The following CIITA variants were observed in gnomAD, a reference collection of about 807,000 sequenced individuals.
CIITA encodes MHC class II transactivator.
Under a neutral mutation model 115.1 loss-of-function variants are expected in CIITA, and 72 were observed. The ratio of observed to expected loss-of-function variants is 0.63; its 90% CI spans 0.52 to 0.76. The LOEUF (loss-of-function observed/expected upper bound fraction) is 0.76. CIITA is among the 30% of genes least tolerant of loss of function. CIITA has a pLI of 0.00. For missense variants in CIITA, 1,617 were observed against 1,463.8 expected (o/e 1.10, Z -1.71); for synonymous variants, 763 against 635.6 (o/e 1.20, Z -3.02).
chr16:10,941,687 T>G lies in CIITA; in HGVS notation n.813T>G. ...GGTCCAGGGCATGGGTTGCGGATCG[T>G]GTAGGGAAGAGGGGAACAGCAGTCG... On this transcript the variant is annotated non_coding_transcript_exon_variant, in exon 2 of 2. Transcript: ENST00000573379. The surrounding 1 kb of genome is among the most constrained non-coding windows in gnomAD (Gnocchi z 6.4). The G allele has an allele frequency of 6.3e-7, 1 of 1,581,888 alleles. No homozygotes were observed.
intron 5 of CIITA, 134 bp downstream of exon 5, chr16:10,899,136 C>A: frequency 3.8e-6 from 3 of 794,392 alleles, no homozygotes; most frequent in Non-Finnish European, 6.6e-6. Flanking sequence ...TAAAAGCCAA[C>A]AGGAGCCTTA....
intron 1 of CIITA, among the ~76,000 whole-genome samples, chr16:10,869,216 G>C (rs2035303991): frequency 1.3e-5 from 2 of 152,156 alleles, no homozygotes; most frequent in South Asian, 4.1e-4. Flanking sequence ...GGCCCACAAG[G>C]CCTTTCCTAC....
upstream of CIITA, among the ~76,000 whole-genome samples, chr16:10,874,155 T>C (rs1004947387): frequency 2.6e-5 from 4 of 152,036 alleles, no homozygotes; most frequent in Non-Finnish European, 5.9e-5. Context: ...GGATAATTTT[T>C]CTATTTTTAG....
chr16:10,880,456 G>C (rs1416796592), intron 1 of CIITA, among the ~76,000 whole-genome samples: 2 of 152,174 alleles, frequency 1.3e-5, no homozygotes, highest in African/African-American at 4.8e-5. Context: ...ACCTCTATCA[G>C]AAAAGGAGTA....
At chr16:10,895,229 T>A in intron 1 of CIITA, 53 bp from the exon 2 acceptor site, 2 of 1,608,548 alleles carry the variant, frequency 1.2e-6, no homozygotes, top group Non-Finnish European at 8.5e-7. Context: ...GTGTCAATTT[T>A]CTGCCTCTTT....
In CIITA at chr16:10,928,238, T is replaced by G. The variant is rs1567458149; in HGVS notation, c.*4383T>G. ...TATGTGAAGGTGCTTTGAAATCAAG[T>G]GCTCTGCAAACTGGAGAGAATTACT... On this transcript the variant is annotated 3_prime_UTR_variant, in exon 20 of 20. Transcript: ENST00000324288. 6.6e-6 allele frequency: 1 copy of G among 152,212 alleles called. No individual in the cohort carries two copies. The highest frequency in any genetic ancestry group is 1.5e-5 in the Non-Finnish European group (1 of 68,040). 9.4% of individuals were successfully genotyped at this position (152,212 alleles called of 1,614,324 possible).
chr16:10,870,778 G>T (rs1162121880), intron 1 of CIITA, among the ~76,000 whole-genome samples: 1 of 152,236 alleles, frequency 6.6e-6, no homozygotes, highest in African/African-American at 2.4e-5. Context: ...TGAGATGGTA[G>T]GTAGAAACCT....
In CIITA at chr16:10,908,150, G is replaced by A. The variant is rs2039309312; in HGVS notation, c.2657+1G>A. ...GACTCAGCTGTGTCACCCGTTTCAG[G>A]TGGGGTGAGGGGCTTGGGGAAGAGA... On this transcript the variant is annotated splice_donor_variant, in intron 11 of 19. Coordinates refer to ENST00000324288, the MANE Select transcript of CIITA (RefSeq NM_000246.4). LOFTEE classifies it high-confidence loss of function. 1 of 1,559,472 alleles carries A rather than the reference G, an allele frequency of 6.4e-7. No homozygotes were observed. The highest frequency in any genetic ancestry group is 8.7e-7 in the Non-Finnish European group (1 of 1,151,466).
At chr16:10,870,537 C>G (rs574408612) in intron 1 of CIITA, among the ~76,000 whole-genome samples, 1 of 152,160 alleles carries the variant, frequency 6.6e-6, no homozygotes, top group Non-Finnish European at 1.5e-5. Context: ...GTCACAACAT[C>G]TGAACAACAT....
Position 10,879,967 on chromosome 16 carries a change from T to C in CIITA, c.52+2585T>C, listed in dbSNP as rs1378843855. 6.6e-6 allele frequency among the ~76,000 whole-genome samples: 1 copy of C among 152,204 alleles called. No homozygotes were observed. Among genetic ancestry groups the C allele is most frequent in the Non-Finnish European group, 1.5e-5 (1 of 68,032 alleles). ...CCCTCCCCAGCCGCAGCCTGGAGTG[T>C]CTAACTTTGGCAGGAAGTCTTCCGT... On this transcript the variant is annotated intron_variant, in intron 1 of 19. Coordinates refer to ENST00000324288, the MANE Select transcript of CIITA (RefSeq NM_000246.4). The surrounding 1 kb of genome is among the most constrained non-coding windows in gnomAD (Gnocchi z 4.3).
At chr16:10,916,512 T>G in intron 15 of CIITA, 53 bp downstream of exon 15, 1 of 1,487,404 alleles carries the variant, frequency 6.7e-7, no homozygotes, top group Admixed American at 1.9e-5. Flanking sequence ...AAAGTCCGGC[T>G]GACTTTTTCA....
chr16:10,913,016 T>G (rs1407165594), intron 13 of CIITA, among the ~76,000 whole-genome samples: 1 of 152,254 alleles, frequency 6.6e-6, no homozygotes, highest in Non-Finnish European at 1.5e-5. Context: ...CTTCCCCAGT[T>G]CAGTCCCCAC....
chr16:10,901,875 C>T lies in CIITA; in HGVS notation c.482-163C>T. 9.7e-7 allele frequency: 1 copy of T among 1,031,944 alleles called. No individual in the cohort carries two copies. Among genetic ancestry groups the T allele is most frequent in the Non-Finnish European group, 1.5e-6 (1 of 677,808 alleles). The allele number at this position is 1,031,944 out of a possible 1,614,324, so 63.9% of individuals were successfully genotyped here. On this transcript the variant is annotated intron_variant, in intron 6 of 19. Transcript: ENST00000324288. The surrounding 1 kb of genome is among the most constrained non-coding windows in gnomAD (Gnocchi z 6.8). Reference sequence around the variant, plus strand: ...TCACAAGGAGAGGACTGGGGGACTGCCTGGCACAGAGCAGTTGCTGATCAA... The same window carrying T: ...TCACAAGGAGAGGACTGGGGGACTGTCTGGCACAGAGCAGTTGCTGATCAA...
intron 16 of CIITA, among the ~76,000 whole-genome samples, chr16:10,919,198 T>A (rs983438003): frequency 1.3e-5 from 2 of 152,166 alleles, no homozygotes; most frequent in Admixed American, 6.6e-5. Flanking sequence ...TTAATTTTTT[T>A]AATTTCTGTT....
chr16:10,889,427 T>C (rs993922363), intron 1 of CIITA, among the ~76,000 whole-genome samples: 2 of 152,150 alleles, frequency 1.3e-5, no homozygotes. Context: ...GTAATGGGCT[T>C]CCTTTGACTG....
chr16:10,871,299 G>A (rs2035467574), intron 1 of CIITA, among the ~76,000 whole-genome samples: 1 of 152,150 alleles, frequency 6.6e-6, no homozygotes, highest in African/African-American at 2.4e-5. Context: ...CAACGTGCAT[G>A]GTGGAAAGAT....
In CIITA at chr16:10,935,877, A is replaced by T. The variant is rs924350326; in HGVS notation, c.*12022A>T. 6 of 152,248 alleles carry T rather than the reference A, an allele frequency of 3.9e-5. No individual in the cohort carries two copies. The highest frequency in any genetic ancestry group is 3.9e-4 in the Admixed American group (6 of 15,284). 9.4% of individuals were successfully genotyped at this position (152,248 alleles called of 1,614,324 possible). A position where few individuals can be genotyped will look rare whatever the true frequency, so the allele number is the denominator to read the frequency against. ...TGTCACAAGAGAGAAAGACAGACTG[A>T]AGAGCTGATCCAGACTGAAGAAGGC... On this transcript the variant is annotated 3_prime_UTR_variant, in exon 20 of 20. Coordinates refer to ENST00000324288, the MANE Select transcript of CIITA (RefSeq NM_000246.4).
chr16:10,934,274 A>T lies in CIITA; in HGVS notation c.*10419A>T, dbSNP rs1245036389. The T allele has an allele frequency of 6.6e-6, 1 of 152,204 alleles. No homozygotes were observed. Among genetic ancestry groups the T allele is most frequent in the Non-Finnish European group, 1.5e-5 (1 of 68,050 alleles). 9.4% of individuals were successfully genotyped at this position (152,204 alleles called of 1,614,324 possible). On this transcript the variant is annotated 3_prime_UTR_variant, in exon 20 of 20. Coordinates refer to ENST00000324288, the MANE Select transcript of CIITA (RefSeq NM_000246.4). The surrounding 1 kb of genome is among the most constrained non-coding windows in gnomAD (Gnocchi z 4.2). ...AAACCAATGTACTTTTTAAACTCCA[A>T]TTTTTTAATAAGATCATTTATGTCA...
chr16:10,881,805 C>T (rs2036458952), intron 1 of CIITA, among the ~76,000 whole-genome samples: 1 of 152,174 alleles, frequency 6.6e-6, no homozygotes, highest in African/African-American at 2.4e-5. Context: ...CAAACTGAAA[C>T]TCTACCCAAT....
Sources: gnomAD v4.1 joint callset for allele counts (sites outside exome capture counted in the v4.1 genomes callset) on GRCh38, gnomAD v4.1.1 for gene constraint, Gnocchi (gnomAD v3.1) non-coding constraint, MANE v1.5 for transcripts, NCBI Gene and HGNC (gene_info 2026-07-23, HGNC 2026-07-21) for gene names.